CAMSAP1: variants seen among roughly 807,000 people sequenced by gnomAD.
CAMSAP1 encodes calmodulin-regulated spectrin-associated protein 1.
Under a neutral mutation model 143.5 loss-of-function variants are expected in CAMSAP1, and 58 were observed. The ratio of observed to expected loss-of-function variants is 0.40; its 90% confidence interval spans 0.33 to 0.50. CAMSAP1 has a LOEUF of 0.50. Among genes scored for constraint, CAMSAP1 ranks in the 20% least tolerant of loss-of-function variants. The pLI is 0.45. For missense variants in CAMSAP1, 1,969 were observed against 2,115.7 expected, an observed-to-expected ratio of 0.93 and a Z score of 1.36; for synonymous variants, 945 against 859.3, an observed-to-expected ratio of 1.10 and a Z score of -1.74.
chr9:135,888,050 C>CG (rs1564459387), intron 1 of CAMSAP1, among the ~76,000 whole-genome samples: 1 of 152,098 alleles, frequency 6.6e-6, no homozygotes, highest in African/African-American at 2.4e-5. Context: ...TGGCAACTGA[C>CG]GGAGAGCAGG....
Position 135,874,478 on chromosome 9 carries a change from A to AAG in CAMSAP1, c.585+7154_585+7155insCT, listed in dbSNP as rs534724683. Among the ~76,000 whole-genome samples, 48 of 98,248 alleles carry AAG rather than the reference A, an allele frequency of 4.9e-4. 1 individual carries two copies. Among genetic ancestry groups the AAG allele is most frequent in the Middle Eastern group, 6.0e-3 (1 of 166 alleles). The allele number at this position is 98,248 out of a possible 152,430, so 64.5% of individuals were successfully genotyped here. ...ACAGGGTGAGACCCTGTCTCAAAAA[A>AAG]GGGGGGGGGGGGCCACAGGGGCCGG... is the stretch of plus-strand genomic sequence containing the variant. On this transcript the variant is annotated intron_variant, in intron 3 of 16. Transcript: ENST00000389532.
At chr9:135,897,447 C>G (rs1467905065) in intron 1 of CAMSAP1, among the ~76,000 whole-genome samples, 1 of 152,174 alleles carries the variant, frequency 6.6e-6, no homozygotes, top group African/African-American at 2.4e-5. Context: ...AACCACCACG[C>G]CTGGCCCTCA....
intron 1 of CAMSAP1, among the ~76,000 whole-genome samples, chr9:135,889,069 T>C (rs899028222): frequency 6.6e-6 from 1 of 152,076 alleles, no homozygotes; most frequent in Non-Finnish European, 1.5e-5. Context: ...AGGGAGACCC[T>C]CTAAATCTGT....
chr9:135,827,396 G>T lies in CAMSAP1; in HGVS notation c.1223+11C>A, dbSNP rs1835712065. On this transcript the variant is annotated intron_variant, in intron 8 of 16. Transcript: ENST00000389532. ...GGTGAACTGATTCTGAAAGCAGAAAGACAGACTTACAGGTATTCAGGTTCT... is the reference window on the plus strand; with the variant it reads ...GGTGAACTGATTCTGAAAGCAGAAATACAGACTTACAGGTATTCAGGTTCT... 1 of 1,491,672 alleles carries T rather than the reference G, an allele frequency of 6.7e-7. No homozygotes were observed. Among genetic ancestry groups the T allele is most frequent in the African/African-American group, 1.4e-5 (1 of 71,730 alleles). 92.4% of individuals were successfully genotyped at this position (1,491,672 alleles called of 1,614,324 possible). A position where few individuals can be genotyped will look rare whatever the true frequency, so the allele number is the denominator to read the frequency against.
At chr9:135,906,979 C>G in intron 1 of CAMSAP1, 21 bp downstream of exon 1, 1 of 1,057,070 alleles carries the variant, frequency 9.5e-7, no homozygotes, top group African/African-American at 1.7e-5. Context: ...GCCCCCGCCC[C>G]GCGCCCCTCA....
rs1323339602 is a variant in CAMSAP1 at position 135,907,293 on chromosome 9, G to C, written c.-134C>G. Reference sequence around the variant, plus strand: ...CAGCCGGGAGGGGCGCCCGAGCGCGGCCCCCGCCTCACCTCACAGCCGCCG... The same window carrying C: ...CAGCCGGGAGGGGCGCCCGAGCGCGCCCCCCGCCTCACCTCACAGCCGCCG... On this transcript the variant is annotated 5_prime_UTR_variant, in exon 1 of 17. Coordinates refer to ENST00000389532, the MANE Select transcript of CAMSAP1 (RefSeq NM_015447.4). 1 of 445,636 alleles carries C rather than the reference G, an allele frequency of 2.2e-6. No individual in the cohort carries two copies. The highest frequency in any genetic ancestry group is 3.0e-6 in the Non-Finnish European group (1 of 338,638). 27.6% of individuals were successfully genotyped at this position (445,636 alleles called of 1,614,324 possible).
intron 1 of CAMSAP1, among the ~76,000 whole-genome samples, chr9:135,897,675 G>A (rs1478266617): frequency 2.0e-5 from 3 of 152,134 alleles, no homozygotes; most frequent in African/African-American, 2.4e-5. Context: ...GATGTCAGGA[G>A]CAGATGATAT....
intron 4 of CAMSAP1, chr9:135,865,460 C>A: frequency 7.8e-7 from 1 of 1,279,604 alleles, no homozygotes. Context: ...ACGGCGTTTA[C>A]ACGGCAGAGG....
At chr9:135,845,199 A>C (rs761315658) in intron 7 of CAMSAP1, among the ~76,000 whole-genome samples, 8 of 152,222 alleles carry the variant, frequency 5.3e-5, no homozygotes, top group Non-Finnish European at 1.0e-4. Flanking sequence ...CAGGGATGCA[A>C]GGCTGGTTCA....
chr9:135,843,621 C>G, intron 7 of CAMSAP1, among the ~76,000 whole-genome samples: 1 of 152,028 alleles, frequency 6.6e-6, no homozygotes, highest in East Asian at 1.9e-4. Context: ...CCTGTAATCC[C>G]AGCACTCTGG....
chr9:135,812,286 G>A (rs756274469), intron 16 of CAMSAP1, among the ~76,000 whole-genome samples: 2 of 152,164 alleles, frequency 1.3e-5, no homozygotes, highest in African/African-American at 2.4e-5. Flanking sequence ...AGCAGATGAC[G>A]AGATGAACAG....
intron 3 of CAMSAP1, among the ~76,000 whole-genome samples, chr9:135,876,947 T>C (rs1290369531): frequency 6.6e-6 from 1 of 152,112 alleles, no homozygotes; most frequent in Non-Finnish European, 1.5e-5. Context: ...AGGCTAAGGT[T>C]GCAGTGAGCC....
intron 11 of CAMSAP1, among the ~76,000 whole-genome samples, chr9:135,819,561 T>C (rs1835367075): frequency 6.7e-6 from 1 of 148,444 alleles, no homozygotes. Context: ...TGGCTAGATG[T>C]GGTGGCTCAC....
rs777974985 is a variant in CAMSAP1 at position 135,883,008 on chromosome 9, A to C, written c.231T>G (p.Pro77=). The C allele has an allele frequency of 1.3e-6, 2 of 1,551,730 alleles. No individual in the cohort carries two copies. Among genetic ancestry groups the C allele is most frequent in the Non-Finnish European group, 1.7e-6 (2 of 1,147,012 alleles). The change falls in exon 2 of 17, where the codon CCT becomes CCG. Residue 77 remains proline (P), a synonymous_variant. Coordinates refer to ENST00000389532, the MANE Select transcript of CAMSAP1 (RefSeq NM_015447.4). ...DQYEQEHIKP[P]VIKLLLSSEL... is the part of the protein sequence containing the mutation. ...CGCTGGACAGGAGAAGCTTGATAAC[A>C]GGCGGCTTAATGTGCTCCTGCTCAT...
chr9:135,862,149 C>G (rs1018138180), intron 5 of CAMSAP1, among the ~76,000 whole-genome samples: 2 of 151,956 alleles, frequency 1.3e-5, no homozygotes, highest in Non-Finnish European at 2.9e-5. Flanking sequence ...TTTCTCTCTC[C>G]CTCTCCACCA....
Position 135,836,193 on chromosome 9 carries a change from C to G in CAMSAP1, c.1046-8609G>C, listed in dbSNP as rs998885225. 2.3e-5 allele frequency: 23 copies of G among 985,290 alleles called. No individual in the cohort carries two copies. In the South Asian group the frequency reaches 9.4e-4, roughly 40 times the overall value. The allele number at this position is 985,290 out of a possible 1,614,324, so 61.0% of individuals were successfully genotyped here. A position where few individuals can be genotyped will look rare whatever the true frequency, so the allele number is the denominator to read the frequency against. On this transcript the variant is annotated intron_variant, in intron 7 of 16. Transcript: ENST00000389532. ...ACGCACATCACCACATACCTTTACC[C>G]GTTCCGCAGCCACACATCGCCAAGT... is the stretch of plus-strand genomic sequence containing the variant.
chr9:135,845,361 C>G (rs557243903), intron 7 of CAMSAP1, among the ~76,000 whole-genome samples: 1 of 152,128 alleles, frequency 6.6e-6, no homozygotes. Context: ...ATTGATGGGA[C>G]GTATCTCAAA....
At chr9:135,895,291 T>A (rs1272551606) in intron 1 of CAMSAP1, among the ~76,000 whole-genome samples, 2 of 152,072 alleles carry the variant, frequency 1.3e-5, no homozygotes, top group Non-Finnish European at 2.9e-5. Flanking sequence ...CCAGGACACA[T>A]CATGACTAAA....
At position 135,821,213 on chromosome 9, in the gene CAMSAP1, G is replaced by A. The variant is rs1835442716; in HGVS notation, c.3448C>T (p.Leu1150=). The part of the protein sequence containing the change: ...SHPRTPTDPG[L]DSALEPSGDP... The stretch of plus-strand genomic sequence containing the variant: ...CCACTGGGCTCCAGGGCACTGTCCA[G>A]GCCAGGGTCCGTGGGCGTCCGAGGG... The change falls in exon 11 of 17, where the codon CTG becomes TTG. Residue 1150 remains leucine (L), a synonymous_variant. Transcript: ENST00000389532. This position sits in a 1 kb window ranked among gnomAD's most constrained non-coding sequence, Gnocchi z 4.6. 3.7e-6 allele frequency: 6 copies of A among 1,608,978 alleles called. No individual in the cohort carries two copies. Among genetic ancestry groups the A allele is most frequent in the South Asian group, 1.1e-5 (1 of 91,094 alleles).
Sources: allele counts gnomAD v4.1 joint callset (sites outside exome capture counted in the v4.1 genomes callset), GRCh38; gene constraint gnomAD v4.1.1; non-coding constraint Gnocchi (gnomAD v3.1); transcripts MANE v1.5; gene names NCBI Gene and HGNC (gene_info 2026-07-23, HGNC 2026-07-21).